The following SYNGR3 variants were observed in gnomAD, a reference collection of about 807,000 sequenced individuals.
SYNGR3 encodes synaptogyrin 3, also known as synaptogyrin-3.
SYNGR3 carries 10 observed loss-of-function variants against 18.5 expected under a neutral mutation model. That is an observed-to-expected ratio of 0.54 (90% CI 0.33 to 0.92). The LOEUF is 0.92. Ranked by LOEUF, SYNGR3 falls within the 40% of genes least tolerant of loss-of-function variation. SYNGR3 has a pLI of 0.02. For missense variants in SYNGR3, 335 were observed against 332.8 expected, an observed-to-expected ratio of 1.01 and a Z score of -0.05; for synonymous variants, 188 against 157.2, an observed-to-expected ratio of 1.20 and a Z score of -1.47.
At chr16:1,991,895 G>C in intron 1 of SYNGR3, 79 bp from the exon 2 acceptor site, 1 of 1,292,342 alleles carries the variant, frequency 7.7e-7, no homozygotes, top group South Asian at 1.4e-5. Flanking sequence ...CGCAGGGACA[G>C]GCCCAGGGGC....
chr16:1,993,004 T>C lies in SYNGR3; in HGVS notation c.622T>C (p.Tyr208His). 3.1e-6 allele frequency: 5 copies of C among 1,611,848 alleles called. No individual in the cohort carries two copies. The highest frequency in any genetic ancestry group is 4.2e-6 in the Non-Finnish European group (5 of 1,179,710). The change falls in exon 4 of 4, where the codon TAC (tyrosine) becomes CAC (histidine). Residue 208 changes from tyrosine to histidine, a missense_variant. Physicochemically the swap from Tyr to His is moderately conservative, Grantham distance 83. Transcript: ENST00000248121. ...VGSGVEGTET[Y>H]QSPPFTETLD... ...CAGCGGCGTGGAGGGCACCGAGACC[T>C]ACCAGAGCCCGCCCTTCACCGAGAC...
At position 1,992,742 on chromosome 16, in the gene SYNGR3, C is replaced by A; in HGVS notation, c.444C>A (p.Ala148=). Residue 148 remains alanine, a synonymous_variant, in exon 3 of 4, where the codon GCC becomes GCA. Transcript: ENST00000248121. The part of the protein sequence containing the change: ...ATTQAGDAAR[A]AIAFSFFSIL... ...CGCAGGCGGGGGACGCGGCGCGGGCCGCCATCGCCTTCAGCTTCTTCTCCA... is the reference window on the plus strand; with the variant it reads ...CGCAGGCGGGGGACGCGGCGCGGGCAGCCATCGCCTTCAGCTTCTTCTCCA... The A allele has an allele frequency of 6.3e-7, 1 of 1,582,612 alleles. No individual in the cohort carries two copies. Among genetic ancestry groups the A allele is most frequent in the Non-Finnish European group, 8.6e-7 (1 of 1,168,450 alleles).
intron 1 of SYNGR3, chr16:1,990,402 A>C: frequency 3.0e-6 from 1 of 329,878 alleles, no homozygotes; most frequent in Non-Finnish European, 5.7e-6. Context: ...CGGGCGGAGG[A>C]GGGGCCGGCG....
Position 1,993,364 on chromosome 16 carries a change from T to C in SYNGR3, c.*292T>C. 1 of 614,594 alleles carries C rather than the reference T, an allele frequency of 1.6e-6. No individual in the cohort carries two copies. Among genetic ancestry groups the C allele is most frequent in the East Asian group, 3.2e-5 (1 of 31,002 alleles). The allele number at this position is 614,594 out of a possible 1,614,324, so 38.1% of individuals were successfully genotyped here. ...CTGGCCTGGGGAAGGCTTTCCCCTC[T>C]TGGGCCACACCTGCTCACTCTGGGG... is the stretch of plus-strand genomic sequence containing the variant. On this transcript the variant is annotated 3_prime_UTR_variant, in exon 4 of 4. Coordinates refer to ENST00000248121, the MANE Select transcript of SYNGR3 (RefSeq NM_004209.6).
rs1295641866 is a variant in SYNGR3 at position 1,993,272 on chromosome 16, C to A, written c.*200C>A. The A allele has an allele frequency of 4.6e-6, 3 of 658,298 alleles. No individual in the cohort carries two copies. The highest frequency in any genetic ancestry group is 2.6e-5 in the Admixed American group (1 of 38,486). The allele number at this position is 658,298 out of a possible 1,614,324, so 40.8% of individuals were successfully genotyped here. A position where few individuals can be genotyped will look rare whatever the true frequency, so the allele number is the denominator to read the frequency against. On this transcript the variant is annotated 3_prime_UTR_variant, in exon 4 of 4. Coordinates refer to ENST00000248121, the MANE Select transcript of SYNGR3 (RefSeq NM_004209.6). ...GTTCCCCCAGTCCCTCAGCACCTGG[C>A]CCCAGGACTGAGGTCCTGAGAAGGG...
chr16:1,992,005 T>A lies in SYNGR3; in HGVS notation c.131T>A (p.Val44Asp). 6.3e-7 allele frequency: 1 copy of A among 1,594,212 alleles called. No homozygotes were observed. The highest frequency in any genetic ancestry group is 8.5e-7 in the Non-Finnish European group (1 of 1,172,312). Residue 44 changes from valine (V) to aspartate (D), a missense_variant, in exon 2 of 4, where the codon GTC (valine) becomes GAC (aspartate). Coordinates refer to ENST00000248121, the MANE Select transcript of SYNGR3 (RefSeq NM_004209.6). Reference protein sequence around the residue: ...VFSIAVFGPIVNEGYVNTDSG... With the variant: ...VFSIAVFGPIDNEGYVNTDSG... ...TCCATCGCCGTCTTCGGGCCCATCG[T>A]CAACGAGGGCTACGTGAACACCGAC...
In SYNGR3 at chr16:1,993,085, A is replaced by G. The variant is rs755861154; in HGVS notation, c.*13A>G. ...GCCCGCCTACTAGCGGCTGGCAGGC[A>G]CAGACCAGGGCTCCAAGGCCACCCC... On this transcript the variant is annotated 3_prime_UTR_variant, in exon 4 of 4. Coordinates refer to ENST00000248121, the MANE Select transcript of SYNGR3 (RefSeq NM_004209.6). 1 of 1,601,314 alleles carries G rather than the reference A, an allele frequency of 6.2e-7. No homozygotes were observed. Among genetic ancestry groups the G allele is most frequent in the East Asian group, 2.3e-5 (1 of 43,938 alleles).
At chr16:1,992,842 C>A (rs1216049992) in intron 3 of SYNGR3, 21 bp from the exon 4 acceptor site, 67 of 1,526,590 alleles carry the variant, frequency 4.4e-5, no homozygotes, top group Non-Finnish European at 5.7e-5. Context: ...CGGCTGACCC[C>A]GCTGACCCCG....
Position 1,992,646 on chromosome 16 carries a change from C to T in SYNGR3, c.348C>T (p.Ser116=). 1.9e-6 allele frequency: 3 copies of T among 1,605,768 alleles called. No homozygotes were observed. The highest frequency in any genetic ancestry group is 2.5e-6 in the Non-Finnish European group (3 of 1,177,546). ...CCGCACTGTTCGCAGGACTCTGGTC[C>T]TTCCTGTGGTTCGTGGGCTTCTGCT... ...LLDLGFSGLW[S]FLWFVGFCFL... is the part of the protein sequence containing the mutation. Residue 116 remains serine (S), a synonymous_variant, in exon 3 of 4, where the codon TCC becomes TCT. Coordinates refer to ENST00000248121, the MANE Select transcript of SYNGR3 (RefSeq NM_004209.6).
At chr16:1,990,734 G>A (rs2083599182) in intron 1 of SYNGR3, 1 of 253,766 alleles carries the variant, frequency 3.9e-6, no homozygotes, top group Non-Finnish European at 8.2e-6. Context: ...GTGGAAGGCA[G>A]GTTTGGGAGC....
chr16:1,990,156 G>A lies in SYNGR3; in HGVS notation c.54G>A (p.Val18=), dbSNP rs2083594705. The change falls in exon 1 of 4, where the codon GTG becomes GTA. Residue 18 remains valine, a synonymous_variant. Transcript: ENST00000248121. Reference sequence around the variant, plus strand: ...GCGCAGGGGCCGCCCTGGACCCCGTGAGCTTTGCGCGGCGGCCCCAGACCC... The same window carrying A: ...GCGCAGGGGCCGCCCTGGACCCCGTAAGCTTTGCGCGGCGGCCCCAGACCC... ...AGRAGAALDP[V]SFARRPQTLL... is the part of the protein sequence containing the mutation. The A allele has an allele frequency of 7.9e-7, 1 of 1,259,214 alleles. No individual in the cohort carries two copies. The highest frequency in any genetic ancestry group is 1.0e-6 in the Non-Finnish European group (1 of 999,820). 78.0% of individuals were successfully genotyped at this position (1,259,214 alleles called of 1,614,324 possible). A position where few individuals can be genotyped will look rare whatever the true frequency, so the allele number is the denominator to read the frequency against.
intron 2 of SYNGR3, 43 bp from the exon 3 acceptor site, chr16:1,992,593 C>T (rs747804217): frequency 6.4e-7 from 1 of 1,572,040 alleles, no homozygotes; most frequent in Non-Finnish European, 8.6e-7. Context: ...CCGCCGTGGG[C>T]CACCGCGTGG....
chr16:1,993,225 G>A lies in SYNGR3; in HGVS notation c.*153G>A, dbSNP rs142000283. 89 of 965,518 alleles carry A rather than the reference G, an allele frequency of 9.2e-5. No individual in the cohort carries two copies. The highest frequency in any genetic ancestry group is 1.2e-4 in the Non-Finnish European group (79 of 659,624). 59.8% of individuals were successfully genotyped at this position (965,518 alleles called of 1,614,324 possible). On this transcript the variant is annotated 3_prime_UTR_variant, in exon 4 of 4. Transcript: ENST00000248121. ...CGGGGCCAAGAGGGGGTGGACCCGC[G>A]TGTCTGGGCTGCCCCTGCCAAGTTC...
chr16:1,993,211 G>T lies in SYNGR3; in HGVS notation c.*139G>T. The T allele has an allele frequency of 8.9e-7, 1 of 1,117,996 alleles. No individual in the cohort carries two copies. The highest frequency in any genetic ancestry group is 2.6e-5 in the East Asian group (1 of 38,690). 69.3% of individuals were successfully genotyped at this position (1,117,996 alleles called of 1,614,324 possible). A position where few individuals can be genotyped will look rare whatever the true frequency, so the allele number is the denominator to read the frequency against. On this transcript the variant is annotated 3_prime_UTR_variant, in exon 4 of 4. Coordinates refer to ENST00000248121, the MANE Select transcript of SYNGR3 (RefSeq NM_004209.6). ...CGCTTTGCGCCATCCGGGGCCAAGA[G>T]GGGGTGGACCCGCGTGTCTGGGCTG...
At chr16:1,991,117 G>GGCT (rs1161569794) in intron 1 of SYNGR3, 1 of 152,544 alleles carries the variant, frequency 6.6e-6, no homozygotes, top group African/African-American at 2.4e-5. Context: ...GGAAACACAG[G>GGCT]GCTGCCCCGT....
rs1177940918 is a variant in SYNGR3, at chr16:1,992,146, G to T, written c.272G>T (p.Arg91Leu). The change falls in exon 2 of 4, where the codon CGC (arginine) becomes CTC (leucine). Residue 91 changes from arginine (R) to leucine (L), a missense_variant. Transcript: ENST00000248121. ...GCCGCCTTCCTGCTGCTCGATGTGC[G>T]CTTCCAGCAAATCAGCAGCGTCCGC... ...ACAAFLLLDV[R>L]FQQISSVRDR... The T allele has an allele frequency of 2.6e-6, 4 of 1,524,962 alleles. No homozygotes were observed. Among genetic ancestry groups the T allele is most frequent in the Admixed American group, 2.0e-5 (1 of 49,636 alleles). 94.5% of individuals were successfully genotyped at this position (1,524,962 alleles called of 1,614,324 possible).
In SYNGR3 at chr16:1,993,975, C is replaced by T. The variant is rs1213795013; in HGVS notation, c.*903C>T. 1 of 232,616 alleles carries T rather than the reference C, an allele frequency of 4.3e-6. No individual in the cohort carries two copies. The highest frequency in any genetic ancestry group is 1.2e-4 in the East Asian group (1 of 8,634). The allele number at this position is 232,616 out of a possible 1,614,324, so 14.4% of individuals were successfully genotyped here. ...TCCTGGCCCAGTCCCAGGTTGGAGT[C>T]CCTCTGCATAGCTGACTACTCATGC... On this transcript the variant is annotated 3_prime_UTR_variant, in exon 4 of 4. Coordinates refer to ENST00000248121, the MANE Select transcript of SYNGR3 (RefSeq NM_004209.6).
Position 1,993,244 on chromosome 16 carries a change from C to T in SYNGR3, c.*172C>T. On this transcript the variant is annotated 3_prime_UTR_variant, in exon 4 of 4. Transcript: ENST00000248121. ...ACCCGCGTGTCTGGGCTGCCCCTGC[C>T]AAGTTCCCCCAGTCCCTCAGCACCT... 2 of 770,014 alleles carry T rather than the reference C, an allele frequency of 2.6e-6. No homozygotes were observed. The highest frequency in any genetic ancestry group is 3.5e-5 in the South Asian group (2 of 56,586). The allele number at this position is 770,014 out of a possible 1,614,324, so 47.7% of individuals were successfully genotyped here.
Position 1,990,007 on chromosome 16 carries a change from C to T in SYNGR3, c.-96C>T. 3 of 374,810 alleles carry T rather than the reference C, an allele frequency of 8.0e-6. No homozygotes were observed. Among genetic ancestry groups the T allele is most frequent in the Non-Finnish European group, 1.3e-5 (3 of 239,162 alleles). 23.2% of individuals were successfully genotyped at this position (374,810 alleles called of 1,614,324 possible). A position where few individuals can be genotyped will look rare whatever the true frequency, so the allele number is the denominator to read the frequency against. ...GCTGCAGCGTTGGTAGCATCAGCAT[C>T]AGCATCAGCGGCAGCGGCAGCGGCC... On this transcript the variant is annotated 5_prime_UTR_variant, in exon 1 of 4. Transcript: ENST00000248121.
Sources: allele counts gnomAD v4.1 joint callset, GRCh38; gene constraint gnomAD v4.1.1; transcripts MANE v1.5; gene names NCBI Gene and HGNC (gene_info 2026-07-23, HGNC 2026-07-21).